The following VPS13C variants were observed in gnomAD, a reference collection of about 807,000 sequenced individuals.
VPS13C encodes intermembrane lipid transfer protein VPS13C.
A neutral mutation model predicts 456.8 loss-of-function variants in VPS13C; 358 were observed. That is an observed-to-expected ratio of 0.78 (90% CI 0.72 to 0.86). VPS13C has a LOEUF of 0.86. Among genes scored for constraint, VPS13C ranks in the 40% least tolerant of loss-of-function variants. The pLI, the probability that VPS13C is intolerant of heterozygous loss-of-function variation, is 0.00. For synonymous variants in VPS13C, 1,578 were observed against 1,486.7 expected (o/e 1.06, Z -1.41); for missense variants, 4,818 against 4,385.4 (o/e 1.10, Z -2.79).
At chr15:61,986,356 C>A (rs531306111) in intron 18 of VPS13C, among the ~76,000 whole-genome samples, 2 of 151,852 alleles carry the variant, frequency 1.3e-5, no homozygotes, top group Non-Finnish European at 2.9e-5. Context: ...AATTCAAGAA[C>A]TGAAATATAC....
rs1320570952 is a variant in VPS13C, at chr15:61,929,530, G to C, written c.6257C>G (p.Thr2086Ser). Residue 2086 changes from threonine to serine, a missense_variant, in exon 51 of 85, where the codon ACT becomes AGT. Physicochemically the swap from Thr to Ser is moderately conservative, Grantham distance 58 (BLOSUM62 1). Coordinates refer to ENST00000644861, the MANE Select transcript of VPS13C (RefSeq NM_020821.3). Reference sequence around the variant, plus strand: ...CTCTATCTTGACCTTCCCTGTGGCAGTCTGTCTTGGTAAAATCTGTGTTTC... The same window carrying C: ...CTCTATCTTGACCTTCCCTGTGGCACTCTGTCTTGGTAAAATCTGTGTTTC... ...AKETQILPRQ[T>S]ATGKVKIEKD... The C allele has an allele frequency of 2.5e-6, 4 of 1,613,974 alleles. 1 individual carries two copies. The highest frequency in any genetic ancestry group is 4.5e-5 in the East Asian group (2 of 44,854).
intron 74 of VPS13C, 43 bp downstream of exon 74, chr15:61,878,564 C>T (rs1430770148): frequency 3.1e-6 from 5 of 1,591,142 alleles, no homozygotes; most frequent in African/African-American, 1.4e-5. Flanking sequence ...GAAACATGAC[C>T]TTGGTACACC....
chr15:61,882,812 T>A, intron 68 of VPS13C, 76 bp from the exon 69 acceptor site: 1 of 1,402,248 alleles, frequency 7.1e-7, no homozygotes, highest in Non-Finnish European at 9.4e-7. Flanking sequence ...ATCTGTTTAT[T>A]GATCAAATTG....
chr15:61,974,233 A>G (rs906730114), intron 25 of VPS13C, 55 bp downstream of exon 25: 5 of 1,482,912 alleles, frequency 3.4e-6, no homozygotes, highest in African/African-American at 1.4e-5. Context: ...CTGACTTTTC[A>G]TCACTGCTCT....
chr15:61,982,708 T>G (rs1247485650), intron 20 of VPS13C, 135 bp from the exon 21 acceptor site: 1 of 584,064 alleles, frequency 1.7e-6, no homozygotes, highest in Non-Finnish European at 2.9e-6. Flanking sequence ...TCCTACTACA[T>G]CTCCCTTTGG....
chr15:62,022,310 C>G (rs190501661), intron 8 of VPS13C, among the ~76,000 whole-genome samples: 3 of 151,854 alleles, frequency 2.0e-5, no homozygotes, highest in Admixed American at 6.6e-5. Flanking sequence ...CTAGATCATA[C>G]AGTAATTTGA....
At chr15:61,974,484 T>A in intron 24 of VPS13C, 67 bp from the exon 25 acceptor site, 2 of 1,529,690 alleles carry the variant, frequency 1.3e-6, no homozygotes, top group Non-Finnish European at 1.8e-6. Flanking sequence ...AGAATTGCAT[T>A]AATGTAATTA....
intron 81 of VPS13C, chr15:61,866,149 G>C (rs1894574778): frequency 1.0e-6 from 1 of 984,754 alleles, no homozygotes; most frequent in South Asian, 4.7e-5. Flanking sequence ...GGCAAAGAAT[G>C]AAATAGCCTA....
At chr15:62,016,768 T>C (rs1425842625) in intron 9 of VPS13C, among the ~76,000 whole-genome samples, 1 of 152,078 alleles carries the variant, frequency 6.6e-6, no homozygotes, top group Non-Finnish European at 1.5e-5. Context: ...ATGATTTATA[T>C]TCCTTTGGGT....
chr15:61,956,353 C>A (rs12909947), intron 37 of VPS13C, among the ~76,000 whole-genome samples: 1 of 150,946 alleles, frequency 6.6e-6, no homozygotes, highest in Admixed American at 6.6e-5. Context: ...TGGGGGAGGG[C>A]TGAAAAACTA....
intron 15 of VPS13C, among the ~76,000 whole-genome samples, chr15:62,006,723 A>G (rs1356306529): frequency 3.9e-5 from 6 of 152,200 alleles, no homozygotes; most frequent in African/African-American, 1.2e-4. Context: ...TCCCACCAAC[A>G]GTGTAAAAGT....
At chr15:61,886,060 T>C (rs554147561) in intron 67 of VPS13C, among the ~76,000 whole-genome samples, 64 of 152,184 alleles carry the variant, frequency 4.2e-4, no homozygotes, top group Non-Finnish European at 5.3e-4. Context: ...GCTAATGGCC[T>C]TAAACGAGTT....
At position 62,055,615 on chromosome 15, in the gene VPS13C, G is replaced by T. The variant is rs141473450; in HGVS notation, c.100+4660C>A. On this transcript the variant is annotated intron_variant, in intron 1 of 84. Coordinates refer to ENST00000644861, the MANE Select transcript of VPS13C (RefSeq NM_020821.3). ...TATATGAATATATGCACACTATGAT[G>T]TTTTCCAAATCATGTTAACACAATA... Among the ~76,000 whole-genome samples, 145 of 151,980 alleles carry T rather than the reference G, an allele frequency of 9.5e-4. 1 individual carries two copies. The highest frequency in any genetic ancestry group is 5.8e-4 in the East Asian group (3 of 5,166).
chr15:62,017,717 C>T (rs368910424), intron 9 of VPS13C, among the ~76,000 whole-genome samples: 1,624 of 152,142 alleles, frequency 0.011, 18 homozygotes, highest in South Asian at 0.022. Context: ...AGTCAGGTAG[C>T]GTGATGCCTC....
intron 8 of VPS13C, among the ~76,000 whole-genome samples, chr15:62,022,355 C>T (rs1161765125): frequency 1.3e-5 from 2 of 151,882 alleles, no homozygotes; most frequent in East Asian, 1.9e-4. Context: ...CACTGTTTTC[C>T]AAAATGGCTG....
intron 60 of VPS13C, among the ~76,000 whole-genome samples, chr15:61,916,639 CT>C (rs1226633814): frequency 4.6e-5 from 7 of 151,936 alleles, no homozygotes; most frequent in Non-Finnish European, 1.0e-4. Flanking sequence ...TCAGGAATGG[CT>C]CATTGTCAGA....
At chr15:61,917,229 C>CGTAA (rs1157124976) in intron 60 of VPS13C, 112 bp downstream of exon 60, 1 of 1,110,720 alleles carries the variant, frequency 9.0e-7, no homozygotes, top group Non-Finnish European at 1.3e-6. Context: ...GAAGGCATTA[C>CGTAA]ACATTACACA....
In VPS13C at chr15:61,909,029, T is replaced by G; in HGVS notation, c.8941A>C (p.Asn2981His). Residue 2981 changes from asparagine (N) to histidine (H), a missense_variant, in exon 65 of 85, where the codon AAC (asparagine) becomes CAC (histidine). Physicochemically the swap from Asn to His is moderately conservative, Grantham distance 68. Around this residue, in one of 3 missense-constraint regions of VPS13C, gnomAD observed 4,552 missense variants for 4,130.6 expected, o/e 1.10. Coordinates refer to ENST00000644861, the MANE Select transcript of VPS13C (RefSeq NM_020821.3). ...GTGAGGATGTCCCATGGTGTATGGT[T>G]CATTATCAAGGCAGGTGCAGATCCC... ...HEGSAPALIM[N>H]HTPWDILTYK... 1 of 1,614,092 alleles carries G rather than the reference T, an allele frequency of 6.2e-7. No individual in the cohort carries two copies. The highest frequency in any genetic ancestry group is 2.2e-5 in the East Asian group (1 of 44,860).
intron 29 of VPS13C, 122 bp from the exon 30 acceptor site, chr15:61,966,264 A>G: frequency 1.9e-6 from 1 of 516,268 alleles, no homozygotes; most frequent in Non-Finnish European, 3.2e-6. Flanking sequence ...CTGTATATTT[A>G]ATTTTATTGC....
Sources: allele counts gnomAD v4.1 joint callset (sites outside exome capture counted in the v4.1 genomes callset), GRCh38; gene constraint gnomAD v4.1.1; regional missense constraint gnomAD v4.1.1; transcripts MANE v1.5; gene names NCBI Gene and HGNC (gene_info 2026-07-23, HGNC 2026-07-21).